Variants in SAMD4A observed in about 807,000 individuals in gnomAD.
SAMD4A encodes protein Smaug homolog 1.
In SAMD4A, 33 loss-of-function variants were observed where a neutral mutation model predicts 81.3. The ratio of observed to expected loss-of-function variants is 0.41; its 90% CI spans 0.31 to 0.54. The LOEUF (loss-of-function observed/expected upper bound fraction) is 0.54. Among genes scored for constraint, SAMD4A ranks in the 20% least tolerant of loss-of-function variants. SAMD4A has a pLI of 0.37. For missense variants in SAMD4A, 854 were observed against 951.1 expected (o/e 0.90, Z 1.34); for synonymous variants, 389 against 382.1 (o/e 1.02, Z -0.21).
intron 6 of SAMD4A, among the ~76,000 whole-genome samples, chr14:54,752,938 C>G (rs75489109): frequency 0.089 from 13,592 of 152,278 alleles, 967 homozygotes; most frequent in African/African-American, 0.19. Flanking sequence ...ATTTATGTTT[C>G]TCTCCACCCA....
chr14:54,579,961 G>A (rs2033417470), intron 2 of SAMD4A, among the ~76,000 whole-genome samples: 1 of 152,172 alleles, frequency 6.6e-6, no homozygotes, highest in Non-Finnish European at 1.5e-5. Flanking sequence ...TGTAAGTGGT[G>A]GAAATTTTCA....
At chr14:54,666,153 G>A (rs1239160481) in intron 2 of SAMD4A, among the ~76,000 whole-genome samples, 1 of 152,226 alleles carries the variant, frequency 6.6e-6, no homozygotes, top group Non-Finnish European at 1.5e-5. Flanking sequence ...GCACATGATT[G>A]TGGGGAAATC....
intron 2 of SAMD4A, among the ~76,000 whole-genome samples, chr14:54,617,744 G>T (rs576367861): frequency 1.3e-5 from 2 of 152,262 alleles, no homozygotes; most frequent in South Asian, 4.1e-4. Context: ...CAACTTTAAA[G>T]TGCACCTGGA....
chr14:54,751,759 C>T (rs1232944741), intron 6 of SAMD4A, among the ~76,000 whole-genome samples: 1 of 152,228 alleles, frequency 6.6e-6, no homozygotes, highest in African/African-American at 2.4e-5. Context: ...GCCCAGGCTG[C>T]CTTGCCTGGC....
intron 2 of SAMD4A, among the ~76,000 whole-genome samples, chr14:54,638,588 C>A (rs554439031): frequency 3.9e-5 from 6 of 152,270 alleles, no homozygotes; most frequent in African/African-American, 1.4e-4. Context: ...TATAAGTCCT[C>A]GGTTTAAAAA....
intron 2 of SAMD4A, among the ~76,000 whole-genome samples, chr14:54,645,955 G>T (rs747355003): frequency 6.6e-6 from 1 of 152,224 alleles, no homozygotes; most frequent in Non-Finnish European, 1.5e-5. Flanking sequence ...AAATAAGGAA[G>T]TGTTAGAGGC....
chr14:54,711,252 T>G (rs1444883321), intron 3 of SAMD4A, among the ~76,000 whole-genome samples: 1 of 152,216 alleles, frequency 6.6e-6, no homozygotes, highest in Non-Finnish European at 1.5e-5. Flanking sequence ...TTAGTGACAT[T>G]TATTGTTACT....
At position 54,576,001 on chromosome 14, in the gene SAMD4A, C is replaced by CTTTTTTTTTTTTTTT. The variant is rs57819180; in HGVS notation, c.196+7912_196+7926dup. ...CCAGGAAAGATTTCTTTCTTTCTTTCTTTTTTTTTTTTTTTTTTTTTTTTT... is the reference window on the plus strand; with the variant it reads ...CCAGGAAAGATTTCTTTCTTTCTTTCTTTTTTTTTTTTTTTTTTTTTTTTTTTTTTTTTTTTTTTT... On this transcript the variant is annotated intron_variant, in intron 2 of 12. Coordinates refer to ENST00000554335, the MANE Select transcript of SAMD4A (RefSeq NM_015589.6). 3.9e-4 allele frequency among the ~76,000 whole-genome samples: 31 copies of CTTTTTTTTTTTTTTT among 79,994 alleles called. 2 individuals carry two copies. Among genetic ancestry groups the CTTTTTTTTTTTTTTT allele is most frequent in the South Asian group, 2.3e-3 (4 of 1,716 alleles). The allele number at this position is 79,994 out of a possible 152,430, so 52.5% of individuals were successfully genotyped here.
intron 2 of SAMD4A, among the ~76,000 whole-genome samples, chr14:54,594,547 C>T (rs2033864652): frequency 6.6e-6 from 1 of 152,126 alleles, no homozygotes; most frequent in Non-Finnish European, 1.5e-5. Flanking sequence ...GTACAAACAG[C>T]AGGACAGAAC....
chr14:54,736,857 A>G (rs750251050), intron 3 of SAMD4A, among the ~76,000 whole-genome samples, 167 bp from the exon 4 acceptor site: 12 of 152,032 alleles, frequency 7.9e-5, no homozygotes, highest in Non-Finnish European at 1.5e-4. Context: ...CTTTTAAACC[A>G]CCTGAAGAAA....
chr14:54,680,341 A>G (rs534791321), intron 2 of SAMD4A, among the ~76,000 whole-genome samples: 1 of 152,308 alleles, frequency 6.6e-6, no homozygotes, highest in South Asian at 2.1e-4. Context: ...TCATTTTTTA[A>G]CACATCTGCA....
chr14:54,728,358 G>T (rs1198222008), intron 3 of SAMD4A, among the ~76,000 whole-genome samples: 3 of 152,162 alleles, frequency 2.0e-5, no homozygotes, highest in African/African-American at 4.8e-5. Flanking sequence ...TTTAGAATTT[G>T]GTAAGAGGCT....
intron 2 of SAMD4A, among the ~76,000 whole-genome samples, chr14:54,680,725 T>A (rs902124967): frequency 6.6e-6 from 1 of 152,240 alleles, no homozygotes; most frequent in Non-Finnish European, 1.5e-5. Flanking sequence ...TTACTGTATT[T>A]TCTTCAGAAG....
intron 6 of SAMD4A, among the ~76,000 whole-genome samples, chr14:54,756,499 A>C (rs2038242434): frequency 6.6e-6 from 1 of 152,210 alleles, no homozygotes; most frequent in South Asian, 2.1e-4. Flanking sequence ...TGGGTCCCAG[A>C]AACTGCAAGC....
chr14:54,719,496 G>A (rs1382050893), intron 3 of SAMD4A, among the ~76,000 whole-genome samples: 1 of 152,114 alleles, frequency 6.6e-6, no homozygotes, highest in Admixed American at 6.6e-5. Context: ...GGGAGAATTA[G>A]GACAAATGAC....
intron 2 of SAMD4A, among the ~76,000 whole-genome samples, chr14:54,571,751 A>T (rs553519029): frequency 6.6e-6 from 1 of 152,316 alleles, no homozygotes; most frequent in African/African-American, 2.4e-5. Context: ...AATTACTCTT[A>T]TTCTAGACAC....
At chr14:54,773,631 G>A (rs1281677903) in intron 9 of SAMD4A, among the ~76,000 whole-genome samples, 1 of 152,238 alleles carries the variant, frequency 6.6e-6, no homozygotes, top group Admixed American at 6.5e-5. Context: ...CAGCCTCCCT[G>A]CCCGGACCCA....
At position 54,617,694 on chromosome 14, in the gene SAMD4A, T is replaced by C. The variant is rs181952025; in HGVS notation, c.196+49582T>C. 2.0e-5 allele frequency among the ~76,000 whole-genome samples: 3 copies of C among 152,346 alleles called. No individual in the cohort carries two copies. The South Asian group carries it at 6.2e-4, about 32-fold the overall frequency. On this transcript the variant is annotated intron_variant, in intron 2 of 12. Transcript: ENST00000554335. Reference sequence around the variant, plus strand: ...CCTCCATTGGAGTTCTCACTGCCACTACTCACACTACAGAATTAGTACTCA... The same window carrying C: ...CCTCCATTGGAGTTCTCACTGCCACCACTCACACTACAGAATTAGTACTCA...
intron 12 of SAMD4A, among the ~76,000 whole-genome samples, chr14:54,786,980 G>C (rs2039157261): frequency 6.6e-6 from 1 of 152,198 alleles, no homozygotes; most frequent in Non-Finnish European, 1.5e-5. Context: ...TAAGTTCAGG[G>C]TGGCCTAGTT....
Sources: allele counts gnomAD v4.1 joint callset (sites outside exome capture counted in the v4.1 genomes callset), GRCh38; gene constraint gnomAD v4.1.1; transcripts MANE v1.5; gene names NCBI Gene and HGNC (gene_info 2026-07-23, HGNC 2026-07-21).